PTPRA: variants seen among roughly 807,000 people sequenced by gnomAD.
The protein encoded by PTPRA is protein tyrosine phosphatase receptor type A.
In PTPRA, 25 loss-of-function variants were observed where a neutral mutation model predicts 104.8. That is an observed-to-expected ratio of 0.24 (90% confidence interval 0.17 to 0.33). The LOEUF is 0.33. Among genes scored for constraint, PTPRA ranks in the 10% least tolerant of loss-of-function variants. The probability of loss-of-function intolerance (pLI) is 1.00; values close to 1 mark genes in which losing one functional copy is unlikely to be tolerated. For synonymous variants in PTPRA, 323 were observed against 368.9 expected (o/e 0.88, Z 1.43); for missense variants, 765 against 1,015.3 (o/e 0.75, Z 3.35).
chr20:3,018,035 C>T (rs927560249), intron 13 of PTPRA, 122 bp downstream of exon 13: 5 of 825,204 alleles, frequency 6.1e-6, no homozygotes, highest in Non-Finnish European at 9.7e-6. Context: ...AAGACACAGG[C>T]TGAAGTCTAT....
intron 1 of PTPRA, among the ~76,000 whole-genome samples, chr20:2,905,835 C>G (rs2059409861): frequency 6.6e-6 from 1 of 151,748 alleles, no homozygotes; most frequent in African/African-American, 2.4e-5. Context: ...CAGGCATGCG[C>G]CACCACACCT....
intron 6 of PTPRA, among the ~76,000 whole-genome samples, chr20:2,980,661 GCAA>G (rs1312940528): frequency 2.6e-5 from 4 of 152,076 alleles, no homozygotes; most frequent in Non-Finnish European, 5.9e-5. Context: ...ACCAGCCTGG[GCAA>G]CAACAAGACC....
chr20:2,917,113 C>T (rs1411519880), intron 1 of PTPRA, among the ~76,000 whole-genome samples: 2 of 151,676 alleles, frequency 1.3e-5, no homozygotes, highest in South Asian at 2.1e-4. Context: ...ACACACCATC[C>T]GCCCAACTAA....
chr20:2,910,941 A>C (rs2059702960), intron 1 of PTPRA, among the ~76,000 whole-genome samples: 1 of 131,674 alleles, frequency 7.6e-6, no homozygotes, highest in Non-Finnish European at 1.6e-5. Flanking sequence ...TTTTTTGTAG[A>C]GATGTGGTCT....
At chr20:3,001,243 T>A (rs2063611826) in intron 9 of PTPRA, among the ~76,000 whole-genome samples, 1 of 152,262 alleles carries the variant, frequency 6.6e-6, no homozygotes, top group Admixed American at 6.5e-5. Context: ...CTCTTCATTC[T>A]GAACCTTTGC....
rs375163853 is a variant in PTPRA, at chr20:2,973,043, A to G, written c.416-2172A>G. Among the ~76,000 whole-genome samples the G allele has an allele frequency of 7.9e-5, 12 of 152,158 alleles. No homozygotes were observed. The East Asian group carries it at 2.3e-3, about 29-fold the overall frequency. On this transcript the variant is annotated intron_variant, in intron 5 of 23. Coordinates refer to ENST00000399903, the MANE Select transcript of PTPRA (RefSeq NM_001385305.1). ...CCATTTCATTCATGTTTTCAAATGT[A>G]TTTGAATGAGGAAAAGTTCTCCCTT...
intron 1 of PTPRA, among the ~76,000 whole-genome samples, chr20:2,903,602 C>T (rs1475776565): frequency 2.6e-5 from 4 of 152,134 alleles, no homozygotes; most frequent in Admixed American, 1.3e-4. Flanking sequence ...GCAGGAGGAT[C>T]GCTTGAGCCC....
At chr20:2,885,209 G>C (rs1028250834) in intron 1 of PTPRA, among the ~76,000 whole-genome samples, 1 of 152,020 alleles carries the variant, frequency 6.6e-6, no homozygotes, top group Non-Finnish European at 1.5e-5. Flanking sequence ...GTCAACACTT[G>C]TTGTTTTTTT....
intron 14 of PTPRA, among the ~76,000 whole-genome samples, chr20:3,021,660 C>G (rs1377507576): frequency 6.6e-6 from 1 of 152,160 alleles, no homozygotes; most frequent in African/African-American, 2.4e-5. Context: ...TAGATATGAC[C>G]AAGCACTGTG....
chr20:2,868,278 C>A, the PTPRA span, among the ~76,000 whole-genome samples: 11 of 151,068 alleles, frequency 7.3e-5, no homozygotes. Context: ...CAGGCCCACC[C>A]CACCAATTTC....
chr20:3,021,535 T>C (rs568499371), intron 14 of PTPRA, 107 bp downstream of exon 14: 4 of 1,438,658 alleles, frequency 2.8e-6, no homozygotes, highest in Non-Finnish European at 3.8e-6. Flanking sequence ...GAGTATGCAG[T>C]ATGTGAATTC....
chr20:2,987,096 C>G (rs1216053725), intron 7 of PTPRA, among the ~76,000 whole-genome samples: 2 of 152,120 alleles, frequency 1.3e-5, no homozygotes, highest in African/African-American at 4.8e-5. Flanking sequence ...AACTCCAGTG[C>G]AAGCTAAAGC....
rs1392823476 is a variant in PTPRA at position 3,038,159 on chromosome 20, G to A, written c.*26G>A. Reference sequence around the variant, plus strand: ...GCGGCAACAAGGGTCCGTGGACCAGGAGGATTGCCTTTAATATTTTGTAAT... The same window carrying A: ...GCGGCAACAAGGGTCCGTGGACCAGAAGGATTGCCTTTAATATTTTGTAAT... On this transcript the variant is annotated 3_prime_UTR_variant, in exon 24 of 24. Transcript: ENST00000399903. 1.3e-6 allele frequency: 2 copies of A among 1,569,670 alleles called. No homozygotes were observed. The highest frequency in any genetic ancestry group is 1.8e-6 in the Non-Finnish European group (2 of 1,139,894).
intron 11 of PTPRA, among the ~76,000 whole-genome samples, chr20:3,009,942 G>A (rs754331155): frequency 1.1e-4 from 16 of 151,556 alleles, no homozygotes; most frequent in Admixed American, 3.3e-4. Flanking sequence ...TCTGCCTCCC[G>A]GGCTCAAGCG....
chr20:2,998,586 A>C (rs1014800027), intron 9 of PTPRA, among the ~76,000 whole-genome samples: 1 of 152,202 alleles, frequency 6.6e-6, no homozygotes, highest in African/African-American at 2.4e-5. Context: ...AGGGAAATGC[A>C]AAAGAAATTG....
At chr20:3,023,735 T>A (rs2064999931) in intron 16 of PTPRA, among the ~76,000 whole-genome samples, 2 of 152,196 alleles carry the variant, frequency 1.3e-5, no homozygotes, top group Admixed American at 1.3e-4. Flanking sequence ...CTGAGGGAAC[T>A]CAGAGACGAG....
chr20:2,983,098 G>A (rs1027423682), intron 6 of PTPRA, among the ~76,000 whole-genome samples: 2 of 152,288 alleles, frequency 1.3e-5, no homozygotes, highest in East Asian at 3.9e-4. Context: ...TTTCAGAAAT[G>A]AGGAAACTGA....
At chr20:2,929,656 C>G (rs1032195048) in intron 2 of PTPRA, among the ~76,000 whole-genome samples, 1 of 152,034 alleles carries the variant, frequency 6.6e-6, no homozygotes, top group Non-Finnish European at 1.5e-5. Flanking sequence ...GAGATCCCAT[C>G]TCTACAAAAA....
intron 2 of PTPRA, among the ~76,000 whole-genome samples, chr20:2,924,401 G>A (rs528073903): frequency 6.6e-6 from 1 of 152,278 alleles, no homozygotes; most frequent in East Asian, 1.9e-4. Context: ...GCGAGACTAT[G>A]TATCAACAAC....
Sources: allele counts gnomAD v4.1 joint callset (sites outside exome capture counted in the v4.1 genomes callset), GRCh38; gene constraint gnomAD v4.1.1; transcripts MANE v1.5; gene names NCBI Gene and HGNC (gene_info 2026-07-23, HGNC 2026-07-21).